Variants in CDC42SE2 observed in about 807,000 individuals in gnomAD.
CDC42SE2 encodes the protein CDC42 small effector protein 2.
Under a neutral mutation model 11.5 loss-of-function variants are expected in CDC42SE2, and 3 were observed. That is an observed-to-expected ratio of 0.26 (90% confidence interval 0.12 to 0.67). CDC42SE2 has a LOEUF of 0.67. Among genes scored for constraint, CDC42SE2 ranks in the 30% least tolerant of loss-of-function variants. The pLI, the probability that CDC42SE2 is intolerant of heterozygous loss-of-function variation, is 0.80. For synonymous variants in CDC42SE2, 33 were observed against 34.8 expected, an observed-to-expected ratio of 0.95 and a Z score of 0.18; for missense variants, 82 against 106.8, an observed-to-expected ratio of 0.77 and a Z score of 1.02.
intron 2 of CDC42SE2, among the ~76,000 whole-genome samples, chr5:131,351,356 G>A (rs918098648): frequency 3.3e-5 from 5 of 152,078 alleles, no homozygotes; most frequent in East Asian, 1.9e-4. Context: ...CCGGGTTCAC[G>A]CCATTCTCTT....
chr5:131,221,097 G>A, the CDC42SE2 span, among the ~76,000 whole-genome samples: 7 of 151,928 alleles, frequency 4.6e-5, no homozygotes, highest in African/African-American at 1.7e-4. Context: ...TGTTGACCAG[G>A]CTGGTCTCAA....
chr5:131,270,218 AC>A (rs1756964522), intron 1 of CDC42SE2, among the ~76,000 whole-genome samples: 2 of 151,876 alleles, frequency 1.3e-5, no homozygotes, highest in South Asian at 2.1e-4. Context: ...ACTAAAAGAT[AC>A]AAAAAATTAT....
At chr5:131,245,382 A>G (rs1187671265), upstream of CDC42SE2, 1 of 152,194 alleles carries the variant, frequency 6.6e-6, no homozygotes, top group East Asian at 1.9e-4. Context: ...ACAATTGACC[A>G]GGTTCATAGT....
At chr5:131,316,703 C>T (rs1466629667) in intron 2 of CDC42SE2, among the ~76,000 whole-genome samples, 1 of 152,074 alleles carries the variant, frequency 6.6e-6, no homozygotes, top group Non-Finnish European at 1.5e-5. Context: ...TTTTTAGTAG[C>T]CTGAAGGTGG....
chr5:131,338,666 A>ACT (rs1758634856), intron 2 of CDC42SE2, among the ~76,000 whole-genome samples: 1 of 152,184 alleles, frequency 6.6e-6, no homozygotes, highest in East Asian at 1.9e-4. Context: ...AGAGCAGCAA[A>ACT]CTAGAACATA....
chr5:131,374,046 C>T (rs983244316), intron 3 of CDC42SE2, among the ~76,000 whole-genome samples: 13 of 151,986 alleles, frequency 8.6e-5, no homozygotes, highest in African/African-American at 3.1e-4. Context: ...AATAAATTAT[C>T]AAAGTAATAC....
intron 1 of CDC42SE2, among the ~76,000 whole-genome samples, chr5:131,305,296 CA>C (rs1287346230): frequency 6.6e-6 from 1 of 152,110 alleles, no homozygotes; most frequent in Non-Finnish European, 1.5e-5. Flanking sequence ...AAACTTTAGA[CA>C]ATGTAAATGT....
the CDC42SE2 span, among the ~76,000 whole-genome samples, chr5:131,234,182 A>G: frequency 6.6e-6 from 1 of 152,224 alleles, no homozygotes; most frequent in Non-Finnish European, 1.5e-5. Flanking sequence ...TTTAAAAAAG[A>G]TTTCTCTATA....
chr5:131,223,104 A>G, the CDC42SE2 span, among the ~76,000 whole-genome samples: 1 of 152,154 alleles, frequency 6.6e-6, no homozygotes, highest in Non-Finnish European at 1.5e-5. Context: ...CATCCTATCC[A>G]TTTACTTAAA....
chr5:131,371,454 T>TA (rs1750010684), intron 3 of CDC42SE2, among the ~76,000 whole-genome samples: 1 of 152,250 alleles, frequency 6.6e-6, no homozygotes, highest in African/African-American at 2.4e-5. Context: ...TGAACTTTCT[T>TA]ATAGTTTCTT....
chr5:131,230,196 T>C, the CDC42SE2 span, among the ~76,000 whole-genome samples: 1 of 152,316 alleles, frequency 6.6e-6, no homozygotes, highest in South Asian at 2.1e-4. Flanking sequence ...TCCTTTGGGC[T>C]TGTCCTATTG....
chr5:131,325,094 G>A (rs1274804520), intron 2 of CDC42SE2, among the ~76,000 whole-genome samples: 1 of 152,062 alleles, frequency 6.6e-6, no homozygotes, highest in African/African-American at 2.4e-5. Context: ...TACGTGTTTA[G>A]GTTGTGTTGG....
chr5:131,371,443 T>C (rs1034171031), intron 3 of CDC42SE2, among the ~76,000 whole-genome samples: 1 of 152,248 alleles, frequency 6.6e-6, no homozygotes, highest in Admixed American at 6.5e-5. Flanking sequence ...CTTTTGTCTA[T>C]TGAACTTTCT....
chr5:131,328,904 G>C (rs1159794080), intron 2 of CDC42SE2, among the ~76,000 whole-genome samples: 1 of 152,208 alleles, frequency 6.6e-6, no homozygotes, highest in African/African-American at 2.4e-5. Flanking sequence ...AATTCTGATT[G>C]GGATTTGTTT....
At chr5:131,356,259 A>G (rs1749540771) in intron 2 of CDC42SE2, among the ~76,000 whole-genome samples, 1 of 152,226 alleles carries the variant, frequency 6.6e-6, no homozygotes, top group Non-Finnish European at 1.5e-5. Context: ...TTCAAAAAGT[A>G]TAGGTTTTTA....
chr5:131,346,005 A>G (rs987424546), intron 2 of CDC42SE2, among the ~76,000 whole-genome samples: 10 of 152,230 alleles, frequency 6.6e-5, no homozygotes, highest in Non-Finnish European at 1.0e-4. Context: ...GGAAGCACTC[A>G]ACATGGAAAG....
chr5:131,363,325 C>T (rs1223942261), intron 3 of CDC42SE2, among the ~76,000 whole-genome samples: 1 of 150,052 alleles, frequency 6.7e-6, no homozygotes, highest in Non-Finnish European at 1.5e-5. Flanking sequence ...CTAATGGTTT[C>T]CCACATAGCA....
At chr5:131,388,933 A>G (rs1750570209) in intron 4 of CDC42SE2, among the ~76,000 whole-genome samples, 1 of 152,114 alleles carries the variant, frequency 6.6e-6, no homozygotes, top group African/African-American at 2.4e-5. Flanking sequence ...CCTAGGCTCA[A>G]TCGATCATCC....
intron 1 of CDC42SE2, among the ~76,000 whole-genome samples, chr5:131,279,737 G>C (rs148907725): frequency 2.6e-5 from 4 of 152,128 alleles, no homozygotes; most frequent in African/African-American, 9.6e-5. Context: ...CAAAGTTACA[G>C]GCAGCATTTT....
Sources: gnomAD v4.1 joint callset for allele counts (sites outside exome capture counted in the v4.1 genomes callset) on GRCh38, gnomAD v4.1.1 for gene constraint, MANE v1.5 for transcripts, NCBI Gene and HGNC (gene_info 2026-07-23, HGNC 2026-07-21) for gene names.